Variants in EPB41 observed in about 807,000 individuals in gnomAD.
The protein encoded by EPB41 is protein 4.1.
In EPB41, 65 loss-of-function variants were observed where a neutral mutation model predicts 108.0. The ratio of observed to expected loss-of-function variants is 0.60; its 90% CI spans 0.49 to 0.74. The LOEUF (loss-of-function observed/expected upper bound fraction) is 0.74, where lower values mean the gene tolerates loss of function less well. Ranked by LOEUF, EPB41 falls within the 30% of genes least tolerant of loss-of-function variation. The pLI is 0.00. For synonymous variants in EPB41, 336 were observed against 358.9 expected (o/e 0.94, Z 0.72); for missense variants, 875 against 1,037.0 (o/e 0.84, Z 2.15).
intron 4 of EPB41, among the ~76,000 whole-genome samples, chr1:29,010,189 A>G (rs2096476371): frequency 6.6e-6 from 1 of 152,126 alleles, no homozygotes; most frequent in African/African-American, 2.4e-5. Context: ...ATACAAAAAA[A>G]TTAGCCAGGC....
intron 1 of EPB41, among the ~76,000 whole-genome samples, chr1:28,945,552 G>A (rs2094461064): frequency 6.6e-6 from 1 of 151,850 alleles, no homozygotes; most frequent in Admixed American, 6.6e-5. Context: ...TCACCCTAAG[G>A]GAAAAAAAGG....
At chr1:29,067,307 C>G (rs944035492) in intron 16 of EPB41, among the ~76,000 whole-genome samples, 1 of 151,732 alleles carries the variant, frequency 6.6e-6, no homozygotes, top group Non-Finnish European at 1.5e-5. Context: ...ACCATCCTAG[C>G]TAACACGGTG....
intron 2 of EPB41, among the ~76,000 whole-genome samples, chr1:28,991,018 G>A (rs1338388488): frequency 1.3e-5 from 2 of 151,940 alleles, no homozygotes; most frequent in African/African-American, 4.8e-5. Context: ...AACTATTTTA[G>A]GCCTTTTGGA....
chr1:29,002,832 A>G (rs1298046615), intron 4 of EPB41, among the ~76,000 whole-genome samples: 1 of 152,220 alleles, frequency 6.6e-6, no homozygotes, highest in African/African-American at 2.4e-5. Context: ...GAATAAGGAA[A>G]CCAAGTAATA....
At chr1:29,094,392 T>G (rs1662464845) in intron 16 of EPB41, among the ~76,000 whole-genome samples, 1 of 152,212 alleles carries the variant, frequency 6.6e-6, no homozygotes, top group Non-Finnish European at 1.5e-5. Flanking sequence ...TTCTCCTGCT[T>G]CAGCCTCCCA....
chr1:29,109,569 A>G (rs1668463664), intron 18 of EPB41, 132 bp downstream of exon 18: 1 of 767,874 alleles, frequency 1.3e-6, no homozygotes, highest in South Asian at 1.5e-5. Flanking sequence ...CATTATTCAA[A>G]GAGTCCTGGA....
chr1:28,977,693 A>G (rs2095640090), intron 1 of EPB41, among the ~76,000 whole-genome samples: 1 of 152,078 alleles, frequency 6.6e-6, no homozygotes, highest in African/African-American at 2.4e-5. Flanking sequence ...TAGAGCATTT[A>G]TCCTGTTTTT....
At chr1:29,050,191 GC>G (rs1376598308) in intron 11 of EPB41, among the ~76,000 whole-genome samples, 1 of 152,246 alleles carries the variant, frequency 6.6e-6, no homozygotes. Flanking sequence ...GTTCCACGCA[GC>G]CTTTCACAGC....
intron 1 of EPB41, chr1:28,890,787 TG>T: frequency 2.9e-6 from 1 of 344,602 alleles, no homozygotes; most frequent in Non-Finnish European, 4.1e-6. Flanking sequence ...GTCACAAAGC[TG>T]GGAAGTGGCC....
chr1:28,969,363 G>A (rs941490359), intron 1 of EPB41, among the ~76,000 whole-genome samples: 8 of 152,012 alleles, frequency 5.3e-5, no homozygotes, highest in Admixed American at 2.6e-4. Context: ...GGGATTACAG[G>A]CATGAGCCAC....
At chr1:29,059,210 G>A (rs1265483836) in intron 14 of EPB41, among the ~76,000 whole-genome samples, 1 of 152,166 alleles carries the variant, frequency 6.6e-6, no homozygotes, top group Admixed American at 6.5e-5. Flanking sequence ...GGGAGGTGTA[G>A]GTTGCAGTGA....
intron 1 of EPB41, among the ~76,000 whole-genome samples, chr1:28,927,951 C>T (rs2093542891): frequency 6.6e-6 from 1 of 152,146 alleles, no homozygotes; most frequent in Non-Finnish European, 1.5e-5. Context: ...GATTCACTTT[C>T]CCCTGGGGAA....
chr1:29,063,838 A>G (rs1646923837), intron 15 of EPB41, among the ~76,000 whole-genome samples: 1 of 152,246 alleles, frequency 6.6e-6, no homozygotes. Context: ...ATTGTTGGAC[A>G]AAGAACATTT....
At chr1:29,059,893 A>G (rs1646212443) in intron 14 of EPB41, among the ~76,000 whole-genome samples, 1 of 152,210 alleles carries the variant, frequency 6.6e-6, no homozygotes, top group South Asian at 2.1e-4. Context: ...TTAACTGAGT[A>G]TATTTATTGG....
intron 4 of EPB41, among the ~76,000 whole-genome samples, chr1:29,002,470 T>C (rs1210671118): frequency 6.6e-6 from 1 of 151,616 alleles, no homozygotes; most frequent in Non-Finnish European, 1.5e-5. Flanking sequence ...AAAAAGATAG[T>C]ATTATTGTTT....
chr1:29,068,493 A>G (rs1486236012), intron 16 of EPB41, among the ~76,000 whole-genome samples: 4 of 152,210 alleles, frequency 2.6e-5, no homozygotes, highest in Non-Finnish European at 5.9e-5. Context: ...AACAATATCC[A>G]TGGGAGTACT....
Position 28,887,788 on chromosome 1 carries a change from G to T in EPB41, c.-8+578G>T. On this transcript the variant is annotated intron_variant, in intron 1 of 16. Coordinates refer to the EPB41 transcript ENST00000347529. The surrounding 1 kb of genome is among the most constrained non-coding windows in gnomAD (Gnocchi z 4.9). ...CCAGGGTGGCCCCCCCGGCCGTCGC[G>T]CCAGCCCCACACCCTCCCTGCCAGG... 1 of 626,238 alleles carries T rather than the reference G, an allele frequency of 1.6e-6. No homozygotes were observed. The allele number at this position is 626,238 out of a possible 1,614,324, so 38.8% of individuals were successfully genotyped here.
At chr1:28,988,367 A>G (rs1451833425) in intron 2 of EPB41, among the ~76,000 whole-genome samples, 1 of 149,310 alleles carries the variant, frequency 6.7e-6, no homozygotes, top group Non-Finnish European at 1.5e-5. Context: ...TTTCTACTCT[A>G]TTTTTTTTTT....
chr1:29,042,074 G>C (rs138826953), intron 11 of EPB41, among the ~76,000 whole-genome samples: 2 of 152,288 alleles, frequency 1.3e-5, no homozygotes, highest in Non-Finnish European at 2.9e-5. Context: ...CCTCTCATGA[G>C]ATATGTAGAC....
Sources: allele counts gnomAD v4.1 joint callset (sites outside exome capture counted in the v4.1 genomes callset), GRCh38; gene constraint gnomAD v4.1.1; non-coding constraint Gnocchi (gnomAD v3.1); transcripts MANE v1.5; gene names NCBI Gene and HGNC (gene_info 2026-07-23, HGNC 2026-07-21).